Variants in KCNMB2 observed in about 807,000 individuals in gnomAD.
KCNMB2 encodes the protein calcium-activated potassium channel subunit beta-2.
KCNMB2 carries 9 observed loss-of-function variants against 24.5 expected under a neutral mutation model. The ratio of observed to expected loss-of-function variants is 0.37; its 90% CI spans 0.22 to 0.64. KCNMB2 has a LOEUF of 0.64. KCNMB2 is among the 30% of genes least tolerant of loss of function. The probability of loss-of-function intolerance (pLI) is 0.63; values close to 1 mark genes in which losing one functional copy is unlikely to be tolerated. For synonymous variants in KCNMB2, 109 were observed against 104.4 expected (o/e 1.04, Z -0.27); for missense variants, 226 against 284.3 (o/e 0.79, Z 1.47).
intron 1 of KCNMB2, among the ~76,000 whole-genome samples, chr3:178,681,787 CT>C: frequency 1.3e-5 from 2 of 152,200 alleles, no homozygotes; most frequent in South Asian, 4.1e-4. Context: ...TTTTGTGTTT[CT>C]TTTTTCCCCC....
At chr3:178,823,791 C>A (rs368517637) in intron 2 of KCNMB2, among the ~76,000 whole-genome samples, 3 of 152,264 alleles carry the variant, frequency 2.0e-5, no homozygotes, top group East Asian at 3.9e-4. Flanking sequence ...TTCCCTCCCC[C>A]GCAAAGTTCC....
At chr3:178,807,318 T>A (rs1714009511) in intron 1 of KCNMB2, 25 bp from the exon 2 acceptor site, 1 of 1,005,906 alleles carries the variant, frequency 9.9e-7, no homozygotes, top group African/African-American at 1.6e-5. Flanking sequence ...TTGTTGCTGT[T>A]AACTTCATTG....
intron 1 of KCNMB2, among the ~76,000 whole-genome samples, chr3:178,750,567 C>T (rs768694350): frequency 1.3e-5 from 2 of 152,250 alleles, no homozygotes; most frequent in African/African-American, 2.4e-5. Context: ...CTGCCCTTGC[C>T]GTCGTCTAAT....
chr3:178,672,166 G>T (rs1428122353), intron 1 of KCNMB2, among the ~76,000 whole-genome samples: 1 of 152,112 alleles, frequency 6.6e-6, no homozygotes, highest in Admixed American at 6.6e-5. Flanking sequence ...TTGCCTTCAT[G>T]ATTCAGTATT....
At chr3:178,842,432 A>G (rs946971208) in intron 4 of KCNMB2, among the ~76,000 whole-genome samples, 1 of 152,224 alleles carries the variant, frequency 6.6e-6, no homozygotes, top group Admixed American at 6.5e-5. Flanking sequence ...TAAATAATAT[A>G]TGGGTGAGCA....
At chr3:178,571,587 A>G (rs990415074) in intron 1 of KCNMB2, among the ~76,000 whole-genome samples, 1 of 151,618 alleles carries the variant, frequency 6.6e-6, no homozygotes, top group African/African-American at 2.4e-5. Flanking sequence ...ACATAGGTAT[A>G]CACGTGCCAT....
intron 1 of KCNMB2, among the ~76,000 whole-genome samples, chr3:178,666,414 G>A (rs191724916): frequency 1.2e-4 from 19 of 152,146 alleles, no homozygotes; most frequent in Non-Finnish European, 5.9e-5. Context: ...TGACCTGCAT[G>A]GTAATATAGT....
chr3:178,721,189 A>T (rs1484883244), intron 1 of KCNMB2, among the ~76,000 whole-genome samples: 1 of 148,990 alleles, frequency 6.7e-6, no homozygotes, highest in Non-Finnish European at 1.5e-5. Flanking sequence ...AGCTTTCCAC[A>T]TATGGCTAGC....
At position 178,562,654 on chromosome 3, in the gene KCNMB2, A is replaced by G. The variant is rs1047984480; in HGVS notation, c.-68+25943A>G. The stretch of plus-strand genomic sequence containing the variant: ...TAAATCCAGTTTCAGAGGCTGACTC[A>G]TGGGTTAAAAATGCATTGTAAGGAA... On this transcript the variant is annotated intron_variant, in intron 1 of 4. Coordinates refer to ENST00000452583, the MANE Select transcript of KCNMB2 (RefSeq NM_181361.3). 2.6e-5 allele frequency among the ~76,000 whole-genome samples: 4 copies of G among 152,210 alleles called. 1 individual carries two copies. The highest frequency in any genetic ancestry group is 1.3e-4 in the Admixed American group (2 of 15,284).
chr3:178,672,020 G>A (rs1165973498), intron 1 of KCNMB2, among the ~76,000 whole-genome samples: 1 of 151,966 alleles, frequency 6.6e-6, no homozygotes, highest in Non-Finnish European at 1.5e-5. Flanking sequence ...TCTCTCACTG[G>A]GCATGTTACC....
At chr3:178,646,683 T>C (rs1267888777) in intron 1 of KCNMB2, among the ~76,000 whole-genome samples, 1 of 152,218 alleles carries the variant, frequency 6.6e-6, no homozygotes, top group Non-Finnish European at 1.5e-5. Context: ...AAGCATTCTC[T>C]GGCATCAATC....
At chr3:178,709,729 T>A (rs1243363150) in intron 1 of KCNMB2, among the ~76,000 whole-genome samples, 8 of 152,188 alleles carry the variant, frequency 5.3e-5, no homozygotes, top group Non-Finnish European at 7.3e-5. Context: ...TGAGAATTTT[T>A]AAAAATTAAC....
chr3:178,693,469 A>G (rs1279949880), intron 1 of KCNMB2, among the ~76,000 whole-genome samples: 1 of 152,138 alleles, frequency 6.6e-6, no homozygotes, highest in African/African-American at 2.4e-5. Flanking sequence ...TGAAAGTTGA[A>G]TTTTATTGAA....
rs553979693 is a variant in KCNMB2 at position 178,681,279 on chromosome 3, C to G, written c.-67-126064C>G. Among the ~76,000 whole-genome samples the G allele has an allele frequency of 1.2e-4, 19 of 152,140 alleles. No individual in the cohort carries two copies. In the South Asian group the frequency reaches 3.5e-3, roughly 28 times the overall value. ...TTGTTAGCCAAATAGTATAACAATA[C>G]CAACTTTACAGGATTGTTGTAAGCA... On this transcript the variant is annotated intron_variant, in intron 1 of 4. Coordinates refer to ENST00000452583, the MANE Select transcript of KCNMB2 (RefSeq NM_181361.3).
intron 1 of KCNMB2, among the ~76,000 whole-genome samples, chr3:178,560,041 CT>C (rs1268731491): frequency 6.8e-6 from 1 of 146,806 alleles, no homozygotes; most frequent in East Asian, 2.0e-4. Context: ...TTATACATAT[CT>C]TTTTTATTAA....
rs1444536906 is a variant in KCNMB2, at chr3:178,771,515, T to G, written c.-67-35828T>G. Among the ~76,000 whole-genome samples the G allele has an allele frequency of 4.8e-5, 6 of 126,094 alleles. No individual in the cohort carries two copies. In the South Asian group the frequency reaches 1.5e-3, roughly 31 times the overall value. 82.7% of individuals were successfully genotyped at this position (126,094 alleles called of 152,430 possible). ...TTTTTTTTTTGAGACAGGGTCTCAC[T>G]CTGTCACCCAGGCGGGAGTACGGTG... On this transcript the variant is annotated intron_variant, in intron 1 of 4. Transcript: ENST00000452583.
At chr3:178,674,416 A>G (rs1721005192) in intron 1 of KCNMB2, among the ~76,000 whole-genome samples, 2 of 152,180 alleles carry the variant, frequency 1.3e-5, no homozygotes, top group South Asian at 4.1e-4. Context: ...TGTCTTCACC[A>G]TTAATGGTAA....
chr3:178,681,385 C>G (rs1454324181), intron 1 of KCNMB2, among the ~76,000 whole-genome samples: 1 of 152,162 alleles, frequency 6.6e-6, no homozygotes, highest in Non-Finnish European at 1.5e-5. Flanking sequence ...AGAAGCCTGA[C>G]AACATCTGTG....
At chr3:178,596,752 G>A (rs1717891541) in intron 1 of KCNMB2, among the ~76,000 whole-genome samples, 1 of 151,770 alleles carries the variant, frequency 6.6e-6, no homozygotes, top group Non-Finnish European at 1.5e-5. Context: ...GTTCAGGAAT[G>A]AATGAGATAT....
Sources: gnomAD v4.1 joint callset for allele counts (sites outside exome capture counted in the v4.1 genomes callset) on GRCh38, gnomAD v4.1.1 for gene constraint, MANE v1.5 for transcripts, NCBI Gene and HGNC (gene_info 2026-07-23, HGNC 2026-07-21) for gene names.